Variants in ST8SIA2 observed in about 807,000 individuals in gnomAD.
The protein encoded by ST8SIA2 is ST8 alpha-N-acetyl-neuraminide alpha-2,8-sialyltransferase 2.
ST8SIA2 carries 22 observed loss-of-function variants against 37.6 expected under a neutral mutation model. The observed-to-expected ratio is 0.58, with a 90% CI of 0.42 to 0.83. The LOEUF is 0.83. ST8SIA2 is among the 40% of genes least tolerant of loss of function. The pLI is 0.00. For missense variants in ST8SIA2, 382 were observed against 484.7 expected (o/e 0.79, Z 1.99); for synonymous variants, 205 against 201.2 (o/e 1.02, Z -0.16).
At chr15:92,420,979 A>G (rs991028032) in intron 1 of ST8SIA2, 1 of 152,250 alleles carries the variant, frequency 6.6e-6, no homozygotes. Context: ...TGTGTGTGAA[A>G]TTGGGGGACA....
chr15:92,464,072 CTTTT>C (rs34156050), intron 5 of ST8SIA2, 24 bp from the exon 6 acceptor site: 703 of 1,271,996 alleles, frequency 5.5e-4, no homozygotes, highest in Middle Eastern at 2.5e-3. Flanking sequence ...TGTTTCTTTT[CTTTT>C]TTTTTTTTTT....
intron 1 of ST8SIA2, among the ~76,000 whole-genome samples, chr15:92,428,141 T>A (rs1215034256): frequency 6.6e-6 from 1 of 152,236 alleles, no homozygotes; most frequent in African/African-American, 2.4e-5. Flanking sequence ...AGGGTTTTTT[T>A]AAATAACTTT....
At chr15:92,461,914 C>T (rs962055444) in intron 5 of ST8SIA2, among the ~76,000 whole-genome samples, 2 of 152,194 alleles carry the variant, frequency 1.3e-5, no homozygotes, top group Admixed American at 6.5e-5. Flanking sequence ...TTCAATTGCA[C>T]TGTGTTTGCA....
chr15:92,450,496 T>C (rs1303495541), intron 5 of ST8SIA2, among the ~76,000 whole-genome samples: 1 of 152,226 alleles, frequency 6.6e-6, no homozygotes, highest in Non-Finnish European at 1.5e-5. Flanking sequence ...CCAGGAATCA[T>C]AGCGGCTTCA....
chr15:92,448,182 C>T (rs910343404), intron 5 of ST8SIA2, among the ~76,000 whole-genome samples: 3 of 152,178 alleles, frequency 2.0e-5, no homozygotes, highest in Non-Finnish European at 4.4e-5. Flanking sequence ...GCTGCAGGAC[C>T]ACCCCAGGAG....
chr15:92,424,921 C>T (rs1400868473), intron 1 of ST8SIA2, among the ~76,000 whole-genome samples: 2 of 152,232 alleles, frequency 1.3e-5, no homozygotes, highest in Admixed American at 6.5e-5. Context: ...TCGTCAACCT[C>T]TACCCTTACA....
At chr15:92,397,334 G>A (rs4777969) in intron 1 of ST8SIA2, among the ~76,000 whole-genome samples, 10,452 of 152,176 alleles carry the variant, frequency 0.069, 816 homozygotes, top group East Asian at 0.31. Flanking sequence ...TGCCTGAAAA[G>A]TTATACATCA....
At chr15:92,436,108 C>G (rs1444007800) in intron 3 of ST8SIA2, among the ~76,000 whole-genome samples, 2 of 152,186 alleles carry the variant, frequency 1.3e-5, no homozygotes, top group Non-Finnish European at 2.9e-5. Flanking sequence ...ATTTAAGGCC[C>G]ACCCGGGTAA....
At chr15:92,421,892 C>G (rs893852676) in intron 1 of ST8SIA2, among the ~76,000 whole-genome samples, 7 of 152,196 alleles carry the variant, frequency 4.6e-5, no homozygotes, top group Non-Finnish European at 1.0e-4. Context: ...CCTAATTAAG[C>G]AAAATCATGT....
chr15:92,442,449 G>A (rs1165749144), intron 4 of ST8SIA2, among the ~76,000 whole-genome samples: 2 of 152,096 alleles, frequency 1.3e-5, no homozygotes, highest in Non-Finnish European at 2.9e-5. Flanking sequence ...CCAGGGTCAG[G>A]TGCCACATCC....
intron 5 of ST8SIA2, among the ~76,000 whole-genome samples, chr15:92,458,598 G>A (rs956612281): frequency 5.3e-5 from 8 of 152,112 alleles, no homozygotes; most frequent in Admixed American, 1.3e-4. Context: ...CACTTCTTCC[G>A]CAGTCATAGT....
At chr15:92,429,932 G>T in intron 1 of ST8SIA2, 117 bp from the exon 2 acceptor site, 1 of 1,088,278 alleles carries the variant, frequency 9.2e-7, no homozygotes. Context: ...AGTCCAGAAT[G>T]AGGTCTCTTC....
In ST8SIA2 at chr15:92,418,437, G is replaced by T. The variant is rs571046222; in HGVS notation, c.99-11612G>T. ...TGATCACGCCACTGCACTCTAGTCT[G>T]GGCGACAGGAGTGAGACCCTCCCTC... On this transcript the variant is annotated intron_variant, in intron 1 of 5. Transcript: ENST00000268164. Among the ~76,000 whole-genome samples the T allele has an allele frequency of 1.6e-4, 24 of 145,594 alleles. No individual in the cohort carries two copies. In the East Asian group the frequency reaches 3.9e-3, roughly 24 times the overall value.
At chr15:92,459,060 G>T (rs949004761) in intron 5 of ST8SIA2, among the ~76,000 whole-genome samples, 2 of 152,168 alleles carry the variant, frequency 1.3e-5, no homozygotes, top group African/African-American at 4.8e-5. Flanking sequence ...CCCAGCACAC[G>T]CCTGAGTAAC....
intron 1 of ST8SIA2, among the ~76,000 whole-genome samples, chr15:92,408,747 C>T (rs2049527900): frequency 6.6e-6 from 1 of 150,588 alleles, no homozygotes; most frequent in African/African-American, 2.4e-5. Flanking sequence ...ACTCTGTCGC[C>T]CAGGCTGGAG....
rs116738705 is a variant in ST8SIA2, at chr15:92,397,043, G to A, written c.98+2881G>A. 1.0e-2 allele frequency among the ~76,000 whole-genome samples: 1,521 copies of A among 152,246 alleles called. 24 individuals are homozygous for A. Among genetic ancestry groups the A allele is most frequent in the African/African-American group, 0.034 (1,395 of 41,542 alleles). On this transcript the variant is annotated intron_variant, in intron 1 of 5. Coordinates refer to ENST00000268164, the MANE Select transcript of ST8SIA2 (RefSeq NM_006011.4). ...GGATTACAGATGATCTGCGCGTGTC[G>A]GCCCCTGGGAGAAAGCGATGGCTCT...
intron 1 of ST8SIA2, among the ~76,000 whole-genome samples, chr15:92,404,934 C>A (rs1477266963): frequency 6.6e-6 from 1 of 151,790 alleles, no homozygotes; most frequent in Admixed American, 6.6e-5. Flanking sequence ...TGGAAGCAAC[C>A]CAGGTATCCG....
intron 1 of ST8SIA2, among the ~76,000 whole-genome samples, chr15:92,414,319 G>A (rs947842604): frequency 6.6e-6 from 1 of 152,230 alleles, no homozygotes; most frequent in Non-Finnish European, 1.5e-5. Flanking sequence ...GGAGTCAGGT[G>A]TAGTGACCCA....
At chr15:92,438,300 A>C in intron 3 of ST8SIA2, 53 bp from the exon 4 acceptor site, 12 of 1,614,126 alleles carry the variant, frequency 7.4e-6, no homozygotes, top group Non-Finnish European at 1.0e-5. Flanking sequence ...CTGGGCTGGC[A>C]AAGGGCAGCT....
Sources: allele counts gnomAD v4.1 joint callset (sites outside exome capture counted in the v4.1 genomes callset), GRCh38; gene constraint gnomAD v4.1.1; transcripts MANE v1.5; gene names NCBI Gene and HGNC (gene_info 2026-07-23, HGNC 2026-07-21).